Variants in LIN54 observed in about 807,000 individuals in gnomAD.
LIN54 encodes lin-54 DREAM MuvB core complex component, also known as protein lin-54 homolog.
In LIN54, 9 loss-of-function variants were observed where a neutral mutation model predicts 78.7. The observed-to-expected ratio is 0.11, with a 90% confidence interval of 0.07 to 0.20. The LOEUF is 0.20. LIN54 is among the 10% of genes least tolerant of loss of function. The probability of loss-of-function intolerance (pLI) is 1.00; values close to 1 mark genes in which losing one functional copy is unlikely to be tolerated. For synonymous variants in LIN54, 269 were observed against 318.4 expected (o/e 0.84, Z 1.65); for missense variants, 573 against 889.9 (o/e 0.64, Z 4.53).
intron 7 of LIN54, 83 bp from the exon 8 acceptor site, chr4:82,938,587 A>G (rs184218801): frequency 9.4e-6 from 7 of 745,790 alleles, no homozygotes; most frequent in East Asian, 2.5e-5. Context: ...AAGAAATACA[A>G]ATTCATCCAT....
Position 83,006,604 on chromosome 4 carries a change from G to GAA in LIN54, c.-33+3878_-33+3879dup, listed in dbSNP as rs11417655. ...ATGCCTTGAATCTAAAATAAAAGCT[G>GAA]AAAAAAAAAGGTGAATTCCAAATTA... On this transcript the variant is annotated intron_variant, in intron 1 of 12. Coordinates refer to ENST00000340417, the MANE Select transcript of LIN54 (RefSeq NM_194282.4). 1.7e-3 allele frequency among the ~76,000 whole-genome samples: 255 copies of GAA among 150,370 alleles called. 1 individual carries two copies. Among genetic ancestry groups the GAA allele is most frequent in the African/African-American group, 4.8e-3 (196 of 41,076 alleles).
intron 1 of LIN54, among the ~76,000 whole-genome samples, chr4:83,010,095 G>A (rs1363724133): frequency 1.3e-5 from 2 of 152,072 alleles, no homozygotes; most frequent in Admixed American, 1.3e-4. Flanking sequence ...AACCCAACAA[G>A]TTACAGACTA....
intron 2 of LIN54, among the ~76,000 whole-genome samples, chr4:82,983,932 T>C (rs1054481467): frequency 6.6e-6 from 1 of 152,252 alleles, no homozygotes; most frequent in African/African-American, 2.4e-5. Context: ...ATAAATATAC[T>C]AATTTGGAAT....
At chr4:83,011,404 T>A (rs34825689), upstream of LIN54, among the ~76,000 whole-genome samples, 2 of 152,016 alleles carry the variant, frequency 1.3e-5, no homozygotes, top group African/African-American at 4.8e-5. Flanking sequence ...ATTTATCTGG[T>A]CATTTCTGTC....
chr4:82,947,235 ATTT>A (rs34511957), intron 4 of LIN54, among the ~76,000 whole-genome samples: 1 of 44,292 alleles, frequency 2.3e-5, no homozygotes, highest in East Asian at 1.0e-3. Flanking sequence ...ATATATATAT[ATTT>A]TTTTTTTTTT....
At chr4:82,979,610 C>G (rs1434169780) in intron 2 of LIN54, among the ~76,000 whole-genome samples, 3 of 152,018 alleles carry the variant, frequency 2.0e-5, no homozygotes, top group African/African-American at 7.2e-5. Flanking sequence ...ATATTATTTA[C>G]TAAACTATTA....
chr4:82,981,453 C>A (rs1726630006), intron 2 of LIN54, among the ~76,000 whole-genome samples: 1 of 152,058 alleles, frequency 6.6e-6, no homozygotes, highest in African/African-American at 2.4e-5. Context: ...AATACTCTGA[C>A]TAAACTTAAC....
chr4:82,934,432 A>G (rs1024911039), intron 11 of LIN54, among the ~76,000 whole-genome samples: 17 of 152,132 alleles, frequency 1.1e-4, no homozygotes, highest in Non-Finnish European at 2.2e-4. Flanking sequence ...CAACAACAAC[A>G]ACAAAAAACT....
intron 4 of LIN54, among the ~76,000 whole-genome samples, chr4:82,950,304 C>A (rs1346898047): frequency 1.3e-5 from 2 of 152,172 alleles, no homozygotes; most frequent in Admixed American, 6.5e-5. Context: ...ATCTCCCTTG[C>A]ACTATGCTTT....
intron 4 of LIN54, among the ~76,000 whole-genome samples, chr4:82,961,045 G>A (rs1208240850): frequency 6.6e-6 from 1 of 152,026 alleles, no homozygotes; most frequent in Non-Finnish European, 1.5e-5. Context: ...GGGTGACAGA[G>A]TGAGATCCTG....
At chr4:82,968,878 A>T (rs374755300) in intron 4 of LIN54, among the ~76,000 whole-genome samples, 21 of 152,328 alleles carry the variant, frequency 1.4e-4, no homozygotes, top group Admixed American at 9.2e-4. Context: ...ACCCACTAGA[A>T]TCACTTAAAG....
Position 82,984,703 on chromosome 4 carries a change from C to A in LIN54, c.142G>T (p.Val48Phe), listed in dbSNP as rs1484767093. ...IPMETELEEIVNINSTGDSTA... is the reference protein window; with the variant it reads ...IPMETELEEIFNINSTGDSTA... ...GAGTCACCAGTAGAATTTATGTTGA[C>A]AATTTCTTCCAGTTCTGTCTCCATG... Residue 48 changes from valine to phenylalanine, a missense_variant, in exon 2 of 13, where the codon GTC (valine) becomes TTC (phenylalanine). This residue lies in a region of LIN54 where 183 missense variants were observed against 228.4 expected (regional missense o/e 0.80). Coordinates refer to ENST00000340417, the MANE Select transcript of LIN54 (RefSeq NM_194282.4). The A allele has an allele frequency of 1.9e-6, 3 of 1,614,164 alleles. No individual in the cohort carries two copies. In the African/African-American group the frequency reaches 4.0e-5, roughly 22 times the overall value.
intron 8 of LIN54, 129 bp downstream of exon 8, chr4:82,938,284 T>C: frequency 1.8e-6 from 1 of 557,366 alleles, no homozygotes; most frequent in East Asian, 2.8e-5. Flanking sequence ...TTTCAACAAG[T>C]ATTTTAGAGG....
At chr4:83,009,866 C>T (rs1460268586) in intron 1 of LIN54, among the ~76,000 whole-genome samples, 2 of 152,164 alleles carry the variant, frequency 1.3e-5, no homozygotes, top group African/African-American at 4.8e-5. Flanking sequence ...ACTTTACTCT[C>T]TGAATTCATG....
intron 9 of LIN54, 76 bp from the exon 10 acceptor site, chr4:82,936,457 A>G: frequency 1.4e-6 from 1 of 730,640 alleles, no homozygotes; most frequent in Non-Finnish European, 2.3e-6. Flanking sequence ...CATACATTGT[A>G]TATATATTGT....
chr4:82,948,830 T>C (rs1017433451), intron 4 of LIN54, among the ~76,000 whole-genome samples: 1 of 152,246 alleles, frequency 6.6e-6, no homozygotes, highest in Non-Finnish European at 1.5e-5. Flanking sequence ...ACCAGATTCA[T>C]CCATGTTGTG....
chr4:82,943,865 T>C (rs1261677699), intron 5 of LIN54, among the ~76,000 whole-genome samples: 3 of 52,130 alleles, frequency 5.8e-5, no homozygotes, highest in African/African-American at 1.0e-4. Context: ...ATACTGATTT[T>C]TTTTTTTTTT....
At chr4:82,961,641 T>C (rs1395659389) in intron 4 of LIN54, among the ~76,000 whole-genome samples, 1 of 152,150 alleles carries the variant, frequency 6.6e-6, no homozygotes, top group Non-Finnish European at 1.5e-5. Context: ...TTTCTAAAGA[T>C]GCATTTCTGT....
intron 1 of LIN54, among the ~76,000 whole-genome samples, chr4:83,001,720 C>T (rs1470806014): frequency 2.0e-5 from 3 of 148,220 alleles, no homozygotes; most frequent in South Asian, 2.1e-4. Context: ...TGGTGGCGGG[C>T]GCCTGTTGTC....
Sources: allele counts gnomAD v4.1 joint callset (sites outside exome capture counted in the v4.1 genomes callset), GRCh38; gene constraint gnomAD v4.1.1; regional missense constraint gnomAD v4.1.1; transcripts MANE v1.5; gene names NCBI Gene and HGNC (gene_info 2026-07-23, HGNC 2026-07-21).